Variants in GMDS observed in about 807,000 individuals in gnomAD.
GMDS encodes GDP-mannose 4,6-dehydratase, also known as GDP-mannose 4,6 dehydratase.
Under a neutral mutation model 49.9 loss-of-function variants are expected in GMDS, and 20 were observed. That is an observed-to-expected ratio of 0.40 (90% CI 0.28 to 0.58). The LOEUF (loss-of-function observed/expected upper bound fraction) is 0.58. Ranked by LOEUF, GMDS falls within the 20% of genes least tolerant of loss-of-function variation. GMDS has a pLI of 0.42. For missense variants in GMDS, 362 were observed against 481.4 expected (o/e 0.75, Z 2.32); for synonymous variants, 177 against 178.6 (o/e 0.99, Z 0.07).
chr6:1,869,381 T>G (rs1581277386), intron 7 of GMDS, among the ~76,000 whole-genome samples: 1 of 152,112 alleles, frequency 6.6e-6, no homozygotes, highest in Non-Finnish European at 1.5e-5. Context: ...GTGGCCCAGG[T>G]ATGTTTCTCT....
chr6:2,032,848 G>A (rs1769055255), intron 4 of GMDS, among the ~76,000 whole-genome samples: 1 of 152,126 alleles, frequency 6.6e-6, no homozygotes, highest in Non-Finnish European at 1.5e-5. Flanking sequence ...TGTGGTGATA[G>A]ATACAATACA....
chr6:1,658,463 G>T (rs1763961378), intron 9 of GMDS, among the ~76,000 whole-genome samples: 3 of 152,266 alleles, frequency 2.0e-5, no homozygotes, highest in Admixed American at 2.0e-4. Context: ...CCAGGTGAGA[G>T]TGCATCACAG....
chr6:1,862,424 A>G (rs1439191101), intron 7 of GMDS, among the ~76,000 whole-genome samples: 1 of 152,224 alleles, frequency 6.6e-6, no homozygotes, highest in East Asian at 1.9e-4. Context: ...ATGTATTAGC[A>G]ACACACACCA....
intron 9 of GMDS, among the ~76,000 whole-genome samples, chr6:1,712,245 G>A (rs1034221091): frequency 3.3e-5 from 5 of 152,128 alleles, no homozygotes; most frequent in South Asian, 2.1e-4. Context: ...GCAATACTCC[G>A]GTATCTTTGA....
intron 4 of GMDS, among the ~76,000 whole-genome samples, chr6:1,991,232 T>C (rs1222441335): frequency 6.6e-6 from 1 of 152,122 alleles, no homozygotes; most frequent in Non-Finnish European, 1.5e-5. Flanking sequence ...TCCCTATTCC[T>C]TTCCAGGACC....
intron 7 of GMDS, among the ~76,000 whole-genome samples, chr6:1,829,534 A>G (rs112574262): frequency 1.3e-5 from 2 of 152,068 alleles, no homozygotes; most frequent in Non-Finnish European, 2.9e-5. Flanking sequence ...TTCTGGGCTC[A>G]CTCAGGTGAT....
At chr6:2,081,334 C>G (rs190433790) in intron 4 of GMDS, among the ~76,000 whole-genome samples, 4 of 152,258 alleles carry the variant, frequency 2.6e-5, no homozygotes. Flanking sequence ...TGCTCTATGC[C>G]CTCTCTGTGC....
intron 8 of GMDS, among the ~76,000 whole-genome samples, chr6:1,734,685 C>T (rs544721160): frequency 6.6e-6 from 1 of 152,336 alleles, no homozygotes; most frequent in South Asian, 2.1e-4. Context: ...GTCAATACTT[C>T]CCTTGCTTTC....
chr6:1,984,752 C>T (rs772655222), intron 4 of GMDS, among the ~76,000 whole-genome samples: 3 of 152,152 alleles, frequency 2.0e-5, no homozygotes, highest in Non-Finnish European at 4.4e-5. Context: ...CCAGAGCTTT[C>T]GGGTGAAGTT....
intron 9 of GMDS, among the ~76,000 whole-genome samples, chr6:1,683,417 G>C (rs11242714): frequency 6.6e-6 from 1 of 151,968 alleles, no homozygotes; most frequent in Non-Finnish European, 1.5e-5. Flanking sequence ...GCCACCGCGC[G>C]CGGCCTGGAT....
intron 7 of GMDS, among the ~76,000 whole-genome samples, chr6:1,918,851 T>G (rs958124112): frequency 6.7e-6 from 1 of 150,206 alleles, no homozygotes; most frequent in African/African-American, 2.4e-5. Context: ...TGAGAACATA[T>G]AGACGTTACT....
chr6:1,897,247 C>T (rs1760246721), intron 7 of GMDS, among the ~76,000 whole-genome samples: 2 of 152,170 alleles, frequency 1.3e-5, no homozygotes, highest in Admixed American at 6.5e-5. Flanking sequence ...GCACGTACTC[C>T]TGGGGTCTCT....
chr6:1,772,663 A>G (rs1768628175), intron 7 of GMDS, among the ~76,000 whole-genome samples: 1 of 152,206 alleles, frequency 6.6e-6, no homozygotes. Context: ...GGACTGGCAT[A>G]TAAGAACTTT....
intron 7 of GMDS, among the ~76,000 whole-genome samples, chr6:1,755,462 T>A (rs9392333): frequency 0.57 from 85,937 of 152,046 alleles, 24,940 homozygotes; most frequent in African/African-American, 0.69. Flanking sequence ...AAGTAATTTG[T>A]AGATTCAATG....
chr6:2,038,098 G>A (rs115702061), intron 4 of GMDS, among the ~76,000 whole-genome samples: 1,744 of 152,178 alleles, frequency 0.011, 36 homozygotes, highest in African/African-American at 0.039. Flanking sequence ...TCACCAAAGC[G>A]CCCTTATAAA....
intron 1 of GMDS, among the ~76,000 whole-genome samples, chr6:2,163,419 A>ATGTG (rs553648208): frequency 6.1e-4 from 90 of 146,742 alleles, no homozygotes; most frequent in Non-Finnish European, 9.0e-4. Context: ...GTGTGTGTCT[A>ATGTG]TGTGTGTGTG....
At chr6:2,133,863 C>G (rs951841456) in intron 1 of GMDS, among the ~76,000 whole-genome samples, 3 of 152,100 alleles carry the variant, frequency 2.0e-5, no homozygotes, top group African/African-American at 4.8e-5. Context: ...TTTAAGTCAC[C>G]GGAGGCAAGG....
chr6:2,208,854 TA>T (rs34346221), intron 1 of GMDS, among the ~76,000 whole-genome samples: 699 of 142,304 alleles, frequency 4.9e-3, no homozygotes, highest in Middle Eastern at 0.011. Flanking sequence ...TGGGCTACAT[TA>T]AAAAAAAAAA....
chr6:1,990,128 C>G (rs1438188311), intron 4 of GMDS, among the ~76,000 whole-genome samples: 2 of 152,146 alleles, frequency 1.3e-5, no homozygotes, highest in Non-Finnish European at 2.9e-5. Flanking sequence ...AACCCCGTCT[C>G]TACTAAAAAT....
Sources: gnomAD v4.1 joint callset for allele counts (sites outside exome capture counted in the v4.1 genomes callset) on GRCh38, gnomAD v4.1.1 for gene constraint, MANE v1.5 for transcripts, NCBI Gene and HGNC (gene_info 2026-07-23, HGNC 2026-07-21) for gene names.